Variants in CTNNA3 observed in about 807,000 individuals in gnomAD.
CTNNA3 encodes catenin alpha-3.
A neutral mutation model predicts 95.7 loss-of-function variants in CTNNA3; 76 were observed. The ratio of observed to expected loss-of-function variants is 0.79; its 90% confidence interval spans 0.66 to 0.96. The LOEUF (loss-of-function observed/expected upper bound fraction) is 0.96, where lower values mean the gene tolerates loss of function less well. Ranked by LOEUF, CTNNA3 falls within the 40% of genes least tolerant of loss-of-function variation. CTNNA3 has a pLI of 0.00. For missense variants in CTNNA3, 1,191 were observed against 1,089.8 expected, an observed-to-expected ratio of 1.09 and a Z score of -1.31; for synonymous variants, 431 against 374.4, an observed-to-expected ratio of 1.15 and a Z score of -1.74.
chr10:67,428,873 A>G (rs1412460909), intron 5 of CTNNA3, among the ~76,000 whole-genome samples: 1 of 151,926 alleles, frequency 6.6e-6, no homozygotes, highest in African/African-American at 2.4e-5. Flanking sequence ...CAAGTTCTTC[A>G]GTATTAGAAC....
At chr10:67,725,022 A>C (rs1841200758) in intron 1 of CTNNA3, among the ~76,000 whole-genome samples, 1 of 152,006 alleles carries the variant, frequency 6.6e-6, no homozygotes, top group African/African-American at 2.4e-5. Context: ...TATAATTTAT[A>C]AAATTATATC....
At chr10:67,580,534 G>A (rs886224561) in intron 3 of CTNNA3, among the ~76,000 whole-genome samples, 18 of 148,858 alleles carry the variant, frequency 1.2e-4, no homozygotes, top group Non-Finnish European at 2.1e-4. Flanking sequence ...TTGTCTTGGC[G>A]ATGCGGGCTC....
At chr10:66,258,324 G>T (rs1324035901) in intron 13 of CTNNA3, among the ~76,000 whole-genome samples, 2 of 152,312 alleles carry the variant, frequency 1.3e-5, no homozygotes, top group South Asian at 4.1e-4. Context: ...GGTACAAAGA[G>T]CCTCTCTAGC....
At chr10:66,621,018 C>T (rs1486145630) in intron 10 of CTNNA3, among the ~76,000 whole-genome samples, 1 of 151,970 alleles carries the variant, frequency 6.6e-6, no homozygotes, top group Admixed American at 6.6e-5. Flanking sequence ...GCTTCAAAAC[C>T]ATTTGTCATG....
intron 9 of CTNNA3, among the ~76,000 whole-genome samples, chr10:66,648,973 GAGA>G (rs1423848230): frequency 6.6e-6 from 1 of 152,056 alleles, no homozygotes; most frequent in Non-Finnish European, 1.5e-5. Context: ...TTCTCTTTAG[GAGA>G]AGAATACCTA....
At chr10:66,616,278 C>T (rs1488818551) in intron 10 of CTNNA3, among the ~76,000 whole-genome samples, 3 of 152,070 alleles carry the variant, frequency 2.0e-5, no homozygotes, top group East Asian at 1.9e-4. Context: ...TGTTGAGAAA[C>T]TCCAAATCCT....
chr10:66,932,435 G>A (rs1253085792), intron 7 of CTNNA3, among the ~76,000 whole-genome samples: 4 of 152,140 alleles, frequency 2.6e-5, no homozygotes, highest in Non-Finnish European at 5.9e-5. Flanking sequence ...CGAGCCATGA[G>A]AAATAAAAAA....
Position 65,920,429 on chromosome 10 carries a change from CT to C in CTNNA3, c.2588del (p.Lys863SerfsTer24), listed in dbSNP as rs730880073. On this transcript the variant is annotated frameshift_variant, in exon 18 of 18. Transcript: ENST00000433211. LOFTEE classifies it high-confidence loss of function. ...TGACAGCTGCACACGTTTCCTCTGG[CT>C]TCTCTCTTTTAATCAAGGGTTTTTT... Reference protein sequence around the residue: ...PAKKPLIKREKPEETCAAVRR... With the variant: ...PAKKPLIKREXPEETCAAVRR... 4 of 1,614,126 alleles carry C rather than the reference CT, an allele frequency of 2.5e-6. No homozygotes were observed. The East Asian group carries it at 8.9e-5, about 36-fold the overall frequency.
intron 17 of CTNNA3, among the ~76,000 whole-genome samples, chr10:65,924,715 G>A (rs936905802): frequency 6.6e-6 from 1 of 152,112 alleles, no homozygotes; most frequent in Non-Finnish European, 1.5e-5. Flanking sequence ...GTATTAGTTT[G>A]TTCTCACGCT....
intron 10 of CTNNA3, among the ~76,000 whole-genome samples, chr10:66,557,238 C>A (rs374692339): frequency 6.6e-6 from 1 of 152,004 alleles, no homozygotes; most frequent in African/African-American, 2.4e-5. Context: ...AAAACAATAT[C>A]CATCATTATT....
At chr10:66,210,046 G>A (rs1373225079) in intron 13 of CTNNA3, among the ~76,000 whole-genome samples, 1 of 151,936 alleles carries the variant, frequency 6.6e-6, no homozygotes, top group Non-Finnish European at 1.5e-5. Flanking sequence ...ATATATTGCT[G>A]AACAATGAAT....
intron 16 of CTNNA3, among the ~76,000 whole-genome samples, chr10:65,968,553 T>C (rs2133262402): frequency 6.6e-6 from 1 of 152,234 alleles, no homozygotes; most frequent in Admixed American, 6.5e-5. Context: ...TGAGCTTCCC[T>C]ACCCTTTCTG....
intron 13 of CTNNA3, among the ~76,000 whole-genome samples, chr10:66,225,628 A>G (rs1039180275): frequency 6.6e-6 from 1 of 151,440 alleles, no homozygotes; most frequent in Admixed American, 6.6e-5. Context: ...TGGTATTCAA[A>G]TTTTTAATTT....
At chr10:67,712,503 G>T (rs1047678803) in intron 1 of CTNNA3, among the ~76,000 whole-genome samples, 1 of 152,200 alleles carries the variant, frequency 6.6e-6, no homozygotes, top group South Asian at 2.1e-4. Flanking sequence ...GCAGCCTAGG[G>T]ACTTGGTGCC....
At chr10:65,964,166 C>A (rs2077909793) in intron 17 of CTNNA3, among the ~76,000 whole-genome samples, 1 of 152,052 alleles carries the variant, frequency 6.6e-6, no homozygotes, top group Non-Finnish European at 1.5e-5. Context: ...TAGATTAGAT[C>A]TTCTGAATTT....
At chr10:66,287,879 G>C (rs1162017538) in intron 12 of CTNNA3, among the ~76,000 whole-genome samples, 1 of 152,040 alleles carries the variant, frequency 6.6e-6, no homozygotes. Context: ...AAAACGTGGG[G>C]CTGAGGAAAT....
At chr10:66,770,530 G>A (rs1179389590) in intron 8 of CTNNA3, among the ~76,000 whole-genome samples, 3 of 152,098 alleles carry the variant, frequency 2.0e-5, no homozygotes, top group Non-Finnish European at 4.4e-5. Context: ...CCAAACTGAG[G>A]TGCTTTTCAT....
At chr10:67,226,748 T>C (rs893116547) in intron 5 of CTNNA3, among the ~76,000 whole-genome samples, 1 of 152,178 alleles carries the variant, frequency 6.6e-6, no homozygotes, top group African/African-American at 2.4e-5. Flanking sequence ...AAACAAATCC[T>C]AGAAACACAT....
At chr10:66,683,501 A>G (rs1847140539) in intron 9 of CTNNA3, among the ~76,000 whole-genome samples, 1 of 152,216 alleles carries the variant, frequency 6.6e-6, no homozygotes, top group African/African-American at 2.4e-5. Context: ...ACAGTGGGCC[A>G]GCATGTATTA....
Sources: gnomAD v4.1 joint callset for allele counts (sites outside exome capture counted in the v4.1 genomes callset) on GRCh38, gnomAD v4.1.1 for gene constraint, MANE v1.5 for transcripts, NCBI Gene and HGNC (gene_info 2026-07-23, HGNC 2026-07-21) for gene names.